Variants in GABBR2 observed in about 807,000 individuals in gnomAD.
GABBR2 encodes the protein G-protein coupled receptor 51.
Under a neutral mutation model 105.6 loss-of-function variants are expected in GABBR2, and 23 were observed. The observed-to-expected ratio is 0.22, with a 90% CI of 0.16 to 0.31. The LOEUF (loss-of-function observed/expected upper bound fraction) is 0.31. Among genes scored for constraint, GABBR2 ranks in the 10% least tolerant of loss-of-function variants. The pLI is 1.00. For missense variants in GABBR2, 734 were observed against 1,245.5 expected, an observed-to-expected ratio of 0.59 and a Z score of 6.18; for synonymous variants, 478 against 499.7, an observed-to-expected ratio of 0.96 and a Z score of 0.58.
intron 15 of GABBR2, 90 bp from the exon 16 acceptor site, chr9:98,303,513 C>T: frequency 8.4e-7 from 1 of 1,193,478 alleles, no homozygotes. Context: ...GCAGATCCTG[C>T]TCTGGAGGCG....
At chr9:98,338,901 T>C (rs76927669) in intron 13 of GABBR2, among the ~76,000 whole-genome samples, 5,994 of 152,288 alleles carry the variant, frequency 0.039, 156 homozygotes, top group Middle Eastern at 0.044. Flanking sequence ...AAATGTTGAA[T>C]GGAAAAACAA....
chr9:98,565,748 A>G (rs1828742775), intron 2 of GABBR2, among the ~76,000 whole-genome samples: 1 of 152,180 alleles, frequency 6.6e-6, no homozygotes, highest in Non-Finnish European at 1.5e-5. Flanking sequence ...GGAAGAGGCT[A>G]AGCAACCTGC....
chr9:98,309,842 G>A (rs1168276018), intron 14 of GABBR2, among the ~76,000 whole-genome samples: 1 of 152,240 alleles, frequency 6.6e-6, no homozygotes, highest in African/African-American at 2.4e-5. Context: ...CAACTGGTAT[G>A]AAGTGGGGAC....
chr9:98,350,221 AT>A (rs138640843), intron 13 of GABBR2, among the ~76,000 whole-genome samples: 1 of 144,574 alleles, frequency 6.9e-6, no homozygotes, highest in African/African-American at 2.5e-5. Flanking sequence ...CATCCTTTGT[AT>A]TTTTTTAGCC....
chr9:98,386,831 C>T (rs1832081018), intron 10 of GABBR2, among the ~76,000 whole-genome samples: 1 of 152,230 alleles, frequency 6.6e-6, no homozygotes, highest in African/African-American at 2.4e-5. Context: ...AAGCCTGCTG[C>T]TCTTCCTCTG....
At chr9:98,435,839 T>C (rs770161924) in intron 7 of GABBR2, among the ~76,000 whole-genome samples, 2 of 152,206 alleles carry the variant, frequency 1.3e-5, no homozygotes, top group African/African-American at 2.4e-5. Flanking sequence ...CCCCAGTCTG[T>C]CACTCATCCA....
At chr9:98,536,425 A>G (rs11787646) in intron 3 of GABBR2, among the ~76,000 whole-genome samples, 23,031 of 152,180 alleles carry the variant, frequency 0.15, 2,025 homozygotes, top group Non-Finnish European at 0.2. Flanking sequence ...GAGCCCAAAG[A>G]ATAACTTGGT....
chr9:98,595,672 AC>A (rs773656948), intron 1 of GABBR2, among the ~76,000 whole-genome samples: 2 of 122,222 alleles, frequency 1.6e-5, no homozygotes, highest in Admixed American at 1.7e-4. Flanking sequence ...AAAAACAAAA[AC>A]AAAAAAACTA....
intron 1 of GABBR2, among the ~76,000 whole-genome samples, chr9:98,605,771 T>C (rs1829407702): frequency 1.3e-5 from 2 of 152,148 alleles, no homozygotes; most frequent in African/African-American, 4.8e-5. Flanking sequence ...TCTCCTCGAG[T>C]TCATGTGAGG....
At chr9:98,495,489 G>A (rs191283742) in intron 4 of GABBR2, among the ~76,000 whole-genome samples, 121 of 152,304 alleles carry the variant, frequency 7.9e-4, no homozygotes, top group African/African-American at 2.7e-3. Flanking sequence ...AAACCTCCAG[G>A]AAGTCCCCAG....
At chr9:98,535,475 C>A (rs925962095) in intron 3 of GABBR2, among the ~76,000 whole-genome samples, 1 of 150,610 alleles carries the variant, frequency 6.6e-6, no homozygotes, top group Non-Finnish European at 1.5e-5. Context: ...CAAAAAAAAA[C>A]CCAATGCAGT....
At chr9:98,319,144 G>A (rs1185256014) in intron 13 of GABBR2, among the ~76,000 whole-genome samples, 1 of 152,106 alleles carries the variant, frequency 6.6e-6, no homozygotes, top group Non-Finnish European at 1.5e-5. Context: ...ATGTCTCCCA[G>A]CCTCTCTGAG....
At position 98,388,287 on chromosome 9, in the gene GABBR2, C is replaced by T. The variant is rs1037856885; in HGVS notation, c.1529+567G>A. ...TGGACAGCAGCACTCTGTCGCTGAA[C>T]TTCAGGGCTTTTCTCTGTGAAATGA... On this transcript the variant is annotated intron_variant, in intron 10 of 18. Transcript: ENST00000259455. This position sits in a 1 kb window ranked among gnomAD's most constrained non-coding sequence, Gnocchi z 4.4. Among the ~76,000 whole-genome samples, 5 of 152,144 alleles carry T rather than the reference C, an allele frequency of 3.3e-5. No individual in the cohort carries two copies. The highest frequency in any genetic ancestry group is 7.3e-5 in the Non-Finnish European group (5 of 68,030).
intron 11 of GABBR2, among the ~76,000 whole-genome samples, chr9:98,385,393 G>A (rs1832053982): frequency 6.6e-6 from 1 of 152,050 alleles, no homozygotes; most frequent in African/African-American, 2.4e-5. Context: ...TTTTTGTAGA[G>A]ACAGGGTTTC....
chr9:98,419,557 T>C (rs1441457194), intron 7 of GABBR2, among the ~76,000 whole-genome samples: 1 of 152,112 alleles, frequency 6.6e-6, no homozygotes, highest in East Asian at 1.9e-4. Context: ...CAAAATTTCA[T>C]AGTGCAAACT....
At chr9:98,293,282 C>T (rs188164217) in intron 18 of GABBR2, among the ~76,000 whole-genome samples, 1 of 152,300 alleles carries the variant, frequency 6.6e-6, no homozygotes, top group Non-Finnish European at 1.5e-5. Context: ...TGACCCCCTT[C>T]TGTGCTTTTC....
chr9:98,708,267 G>T, intron 1 of GABBR2, 150 bp downstream of exon 1: 1 of 739,164 alleles, frequency 1.4e-6, no homozygotes, highest in Non-Finnish European at 1.9e-6. Flanking sequence ...AGGACCGCGG[G>T]GGTGAACACT....
At chr9:98,655,241 G>A (rs1830163434) in intron 1 of GABBR2, among the ~76,000 whole-genome samples, 1 of 152,196 alleles carries the variant, frequency 6.6e-6, no homozygotes, top group Non-Finnish European at 1.5e-5. Flanking sequence ...CGATAAGAAA[G>A]TATTGAAGTA....
At chr9:98,398,148 G>A (rs1179219918) in intron 8 of GABBR2, among the ~76,000 whole-genome samples, 1 of 152,112 alleles carries the variant, frequency 6.6e-6, no homozygotes, top group African/African-American at 2.4e-5. Flanking sequence ...GGGTAGACTT[G>A]TCTTCTCACT....
Sources: gnomAD v4.1 joint callset for allele counts (sites outside exome capture counted in the v4.1 genomes callset) on GRCh38, gnomAD v4.1.1 for gene constraint, Gnocchi (gnomAD v3.1) non-coding constraint, MANE v1.5 for transcripts, NCBI Gene and HGNC (gene_info 2026-07-23, HGNC 2026-07-21) for gene names.